EFCAB7: variants seen among roughly 807,000 people sequenced by gnomAD.
EFCAB7 encodes the protein EF-hand calcium-binding domain-containing protein 7.
In EFCAB7, 66 loss-of-function variants were observed where a neutral mutation model predicts 77.1. That is an observed-to-expected ratio of 0.86 (90% CI 0.70 to 1.05). The LOEUF is 1.05. Ranked by LOEUF, EFCAB7 falls within the 50% of genes least tolerant of loss-of-function variation. EFCAB7 has a pLI of 0.00. For synonymous variants in EFCAB7, 225 were observed against 243.3 expected, an observed-to-expected ratio of 0.92 and a Z score of 0.70; for missense variants, 638 against 730.5, an observed-to-expected ratio of 0.87 and a Z score of 1.46.
At chr1:63,577,883 G>A in the EFCAB7 span, among the ~76,000 whole-genome samples, 2 of 152,186 alleles carry the variant, frequency 1.3e-5, no homozygotes, top group East Asian at 3.8e-4. Flanking sequence ...TCTGTTGGAG[G>A]ACTGAAGGAA....
rs762478915 is a variant in EFCAB7, at chr1:63,568,543, C to T, written c.1707+24C>T. 4 of 1,567,106 alleles carry T rather than the reference C, an allele frequency of 2.6e-6. No individual in the cohort carries two copies. The African/African-American group carries it at 4.1e-5, about 16-fold the overall frequency. ...AGGTATCAATTATGAGGTGGTTTTC[C>T]TCATTTTGCTACAAAGCTTACTAAT... On this transcript the variant is annotated intron_variant, in intron 12 of 13. Transcript: ENST00000371088.
intron 6 of EFCAB7, among the ~76,000 whole-genome samples, chr1:63,538,725 A>G (rs966930005): frequency 2.0e-5 from 3 of 152,316 alleles, no homozygotes; most frequent in Admixed American, 1.3e-4. Flanking sequence ...GCTGGGGATT[A>G]CAGGCGTGAG....
intron 8 of EFCAB7, chr1:63,555,017 G>T (rs1647013396): frequency 6.3e-6 from 1 of 157,656 alleles, no homozygotes; most frequent in South Asian, 2.0e-4. Context: ...ATTACCCTAC[G>T]ATTTATCTTT....
intron 9 of EFCAB7, among the ~76,000 whole-genome samples, chr1:63,556,112 T>G (rs113538882): frequency 6.6e-6 from 1 of 151,608 alleles, no homozygotes; most frequent in Admixed American, 6.6e-5. Context: ...CTGGAAGTAG[T>G]GGGGGGGTTG....
intron 10 of EFCAB7, among the ~76,000 whole-genome samples, chr1:63,559,113 C>T (rs1303460221): frequency 6.6e-6 from 1 of 151,474 alleles, no homozygotes; most frequent in Non-Finnish European, 1.5e-5. Flanking sequence ...ACCAGCTTGG[C>T]CAACATGGTG....
chr1:63,581,775 AAGTT>A, the EFCAB7 span, among the ~76,000 whole-genome samples: 21 of 152,330 alleles, frequency 1.4e-4, no homozygotes, highest in African/African-American at 4.3e-4. Flanking sequence ...AAGCAAGAAA[AAGTT>A]AGGTATGTCA....
chr1:63,578,995 T>A, the EFCAB7 span, among the ~76,000 whole-genome samples: 3 of 152,202 alleles, frequency 2.0e-5, no homozygotes, highest in Admixed American at 6.5e-5. Context: ...TTCTTGAACT[T>A]CTATTTTAAA....
At position 63,572,291 on chromosome 1, in the gene EFCAB7, A is replaced by G; in HGVS notation, c.1816-151A>G. On this transcript the variant is annotated intron_variant, in intron 13 of 13. Coordinates refer to ENST00000371088, the MANE Select transcript of EFCAB7 (RefSeq NM_032437.4). ...TATCCTGTTAGACCTCAGATCATAGATTGCTAGTCTCTGCTAAGGACAAAT... is the reference window on the plus strand; with the variant it reads ...TATCCTGTTAGACCTCAGATCATAGGTTGCTAGTCTCTGCTAAGGACAAAT... 5.7e-6 allele frequency: 3 copies of G among 528,348 alleles called. No individual in the cohort carries two copies. In the South Asian group the frequency reaches 9.1e-5, roughly 16 times the overall value. 32.7% of individuals were successfully genotyped at this position (528,348 alleles called of 1,614,324 possible).
Position 63,533,575 on chromosome 1 carries a change from G to A in EFCAB7, c.608G>A (p.Arg203Lys). ...AACCACATCGAAGGGTCCCCTGAAA[G>A]GGACCCATCACCAGTACCAAAACCA... Reference protein sequence around the residue: ...FGNHIEGSPERDPSPVPKPSP... With the variant: ...FGNHIEGSPEKDPSPVPKPSP... Residue 203 changes from arginine (R) to lysine (K), a missense_variant, in exon 5 of 14, where the codon AGG becomes AAG. Coordinates refer to ENST00000371088, the MANE Select transcript of EFCAB7 (RefSeq NM_032437.4). The A allele has an allele frequency of 6.2e-7, 1 of 1,612,030 alleles. No homozygotes were observed. The highest frequency in any genetic ancestry group is 8.5e-7 in the Non-Finnish European group (1 of 1,179,234).
At chr1:63,576,945 C>T (rs12070079), downstream of EFCAB7, among the ~76,000 whole-genome samples, 1,060 of 151,948 alleles carry the variant, frequency 7.0e-3, 12 homozygotes, top group African/African-American at 0.024. Flanking sequence ...ATCAGGAGTT[C>T]GAACCAGCCT....
chr1:63,568,097 T>C (rs1253537545), intron 11 of EFCAB7, among the ~76,000 whole-genome samples: 1 of 152,200 alleles, frequency 6.6e-6, no homozygotes, highest in Non-Finnish European at 1.5e-5. Flanking sequence ...TTATTTTCTT[T>C]TATTTTCTAT....
Position 63,561,765 on chromosome 1 carries a change from C to T in EFCAB7, c.1405C>T (p.Leu469=), listed in dbSNP as rs1342559050. The T allele has an allele frequency of 7.5e-6, 12 of 1,609,700 alleles. No homozygotes were observed. Among genetic ancestry groups the T allele is most frequent in the Non-Finnish European group, 9.3e-6 (11 of 1,177,110 alleles). The change falls in exon 11 of 14, where the codon CTA becomes TTA. Residue 469 remains leucine, a synonymous_variant. Transcript: ENST00000371088. ...LTRQGFMDLN[L]MEANDREGDP... ...AAGACAAGGATTTATGGATTTGAAT[C>T]TAATGGAAGCTAATGATCGAGAAGG...
At chr1:63,572,401 T>C (rs1052426195) in intron 13 of EFCAB7, 41 bp from the exon 14 acceptor site, 18 of 1,525,788 alleles carry the variant, frequency 1.2e-5, no homozygotes, top group East Asian at 4.6e-5. Flanking sequence ...AAAGTAACAA[T>C]ATATAAAAAG....
chr1:63,525,506 A>G, intron 1 of EFCAB7, 66 bp from the exon 2 acceptor site: 1 of 1,265,786 alleles, frequency 7.9e-7, no homozygotes, highest in Non-Finnish European at 1.1e-6. Flanking sequence ...TATTTGAAAG[A>G]CATGGTGACA....
intron 7 of EFCAB7, chr1:63,549,427 T>C: frequency 4.3e-6 from 2 of 466,142 alleles, no homozygotes; most frequent in Non-Finnish European, 8.9e-6. Flanking sequence ...CTTAAGTCTG[T>C]TACTTGGAGT....
chr1:63,537,962 G>T (rs217451), intron 6 of EFCAB7, among the ~76,000 whole-genome samples: 92,086 of 151,982 alleles, frequency 0.61, 29,628 homozygotes, highest in African/African-American at 0.82. Context: ...AAGAAAAATG[G>T]GACTATACTG....
At chr1:63,577,658 T>A (rs1245425753), downstream of EFCAB7, among the ~76,000 whole-genome samples, 1 of 152,248 alleles carries the variant, frequency 6.6e-6, no homozygotes, top group Non-Finnish European at 1.5e-5. Flanking sequence ...ATCTATTACA[T>A]ATTAATTAGT....
intron 7 of EFCAB7, chr1:63,549,611 G>C (rs1452677122): frequency 2.4e-6 from 1 of 421,080 alleles, no homozygotes; most frequent in African/African-American, 2.1e-5. Context: ...GCTCTAGTAA[G>C]TATTTAGATA....
intron 2 of EFCAB7, among the ~76,000 whole-genome samples, chr1:63,526,489 C>G (rs1445141513): frequency 6.6e-6 from 1 of 152,152 alleles, no homozygotes; most frequent in Non-Finnish European, 1.5e-5. Flanking sequence ...AAAACCCTGA[C>G]ATATTTGTGC....
Sources: allele counts gnomAD v4.1 joint callset (sites outside exome capture counted in the v4.1 genomes callset), GRCh38; gene constraint gnomAD v4.1.1; transcripts MANE v1.5; gene names NCBI Gene and HGNC (gene_info 2026-07-23, HGNC 2026-07-21).